PDLIM5: variants seen among roughly 807,000 people sequenced by gnomAD.
PDLIM5 encodes the protein PDZ and LIM domain 5, also known as PDZ and LIM domain protein 5.
In PDLIM5, 34 loss-of-function variants were observed where a neutral mutation model predicts 64.2. That is an observed-to-expected ratio of 0.53 (90% CI 0.40 to 0.71). The LOEUF is 0.71. PDLIM5 is among the 30% of genes least tolerant of loss of function. PDLIM5 has a pLI of 0.00. For synonymous variants in PDLIM5, 253 were observed against 269.1 expected (o/e 0.94, Z 0.59); for missense variants, 683 against 733.6 (o/e 0.93, Z 0.80).
chr4:94,579,367 G>C, intron 5 of PDLIM5: 1 of 406,864 alleles, frequency 2.5e-6, no homozygotes. Context: ...CTGCTTTCAA[G>C]AGGTAAGTCT....
At chr4:94,610,948 TCCTCTCTCTCCCCAC>T (rs1738313737) in intron 7 of PDLIM5, 2 of 666,996 alleles carry the variant, frequency 3.0e-6, no homozygotes, top group South Asian at 1.9e-5. Context: ...CCCTCCTTCT[TCCTCTCTCTCCCCAC>T]CCTCTCTCTC....
chr4:94,507,501 G>C (rs1728490364), intron 2 of PDLIM5, among the ~76,000 whole-genome samples: 1 of 152,102 alleles, frequency 6.6e-6, no homozygotes, highest in Non-Finnish European at 1.5e-5. Context: ...AGATCAAACA[G>C]GTTATGTGCT....
rs569884415 is a variant in PDLIM5, at chr4:94,486,082, C to G, written c.96+30698C>G. On this transcript the variant is annotated intron_variant, in intron 2 of 12. Coordinates refer to ENST00000317968, the MANE Select transcript of PDLIM5 (RefSeq NM_006457.5). ...AATCCTATACATCTAAGTTCTGCCACCAGGATATTAGTTAAAATTCTTATG... is the reference window on the plus strand; with the variant it reads ...AATCCTATACATCTAAGTTCTGCCAGCAGGATATTAGTTAAAATTCTTATG... 4.1e-4 allele frequency among the ~76,000 whole-genome samples: 63 copies of G among 152,162 alleles called. 2 individuals carry two copies. The South Asian group carries it at 0.013, about 31-fold the overall frequency.
At chr4:94,530,451 A>T (rs113518291) in intron 3 of PDLIM5, among the ~76,000 whole-genome samples, 1 of 150,916 alleles carries the variant, frequency 6.6e-6, no homozygotes, top group South Asian at 2.1e-4. Context: ...CAGAAAATAC[A>T]GTACTATATA....
intron 3 of PDLIM5, among the ~76,000 whole-genome samples, chr4:94,560,364 A>G (rs1733727325): frequency 6.6e-6 from 1 of 152,114 alleles, no homozygotes; most frequent in Non-Finnish European, 1.5e-5. Flanking sequence ...GTGATTTTAT[A>G]TATTATGGAT....
chr4:94,638,604 A>G (rs1043965096), intron 8 of PDLIM5, among the ~76,000 whole-genome samples: 1 of 152,236 alleles, frequency 6.6e-6, no homozygotes, highest in Non-Finnish European at 1.5e-5. Flanking sequence ...ATGTGTTTTT[A>G]CATATATATG....
chr4:94,540,996 A>G (rs1731757750), intron 3 of PDLIM5, among the ~76,000 whole-genome samples: 1 of 152,180 alleles, frequency 6.6e-6, no homozygotes, highest in African/African-American at 2.4e-5. Context: ...GAACGATACA[A>G]ACTTCTGGGA....
intron 9 of PDLIM5, among the ~76,000 whole-genome samples, 159 bp downstream of exon 9, chr4:94,640,609 A>G (rs940593962): frequency 6.6e-6 from 1 of 151,346 alleles, no homozygotes; most frequent in Admixed American, 6.6e-5. Flanking sequence ...ATATCTATCT[A>G]TGAGAATCTA....
rs373033275 is a variant in PDLIM5, at chr4:94,650,031, G to C, written c.1284-4429G>C. Reference sequence around the variant, plus strand: ...AAGTTAAAGTTGACATTCAGCGAAAGAATTACTTTTTAATGTTCCAAATTG... The same window carrying C: ...AAGTTAAAGTTGACATTCAGCGAAACAATTACTTTTTAATGTTCCAAATTG... On this transcript the variant is annotated intron_variant, in intron 9 of 12. Coordinates refer to ENST00000317968, the MANE Select transcript of PDLIM5 (RefSeq NM_006457.5). Among the ~76,000 whole-genome samples, 7 of 152,332 alleles carry C rather than the reference G, an allele frequency of 4.6e-5. 1 individual carries two copies. The highest frequency in any genetic ancestry group is 1.7e-4 in the African/African-American group (7 of 41,572).
intron 12 of PDLIM5, 33 bp downstream of exon 12, chr4:94,662,570 T>TG (rs1742820916): frequency 2.0e-6 from 2 of 984,766 alleles, no homozygotes; most frequent in Non-Finnish European, 3.3e-6. Flanking sequence ...ATTAAAGGGG[T>TG]ATAGTATGGC....
At chr4:94,625,742 T>A (rs373652328) in intron 8 of PDLIM5, among the ~76,000 whole-genome samples, 1 of 152,158 alleles carries the variant, frequency 6.6e-6, no homozygotes, top group Admixed American at 6.5e-5. Context: ...CGTGAGCCAC[T>A]GCGCCCGGCC....
chr4:94,540,365 G>T (rs2452583), intron 3 of PDLIM5, among the ~76,000 whole-genome samples: 1 of 152,004 alleles, frequency 6.6e-6, no homozygotes, highest in East Asian at 1.9e-4. Flanking sequence ...TGATCCGCCC[G>T]CCTCGGCCTC....
At chr4:94,478,610 A>G (rs1197047535) in intron 2 of PDLIM5, among the ~76,000 whole-genome samples, 1 of 152,132 alleles carries the variant, frequency 6.6e-6, no homozygotes, top group African/African-American at 2.4e-5. Context: ...TGTGACTGCT[A>G]ATTTTTATGT....
chr4:94,550,118 A>T (rs1234940537), intron 3 of PDLIM5: 1 of 152,086 alleles, frequency 6.6e-6, no homozygotes, highest in East Asian at 1.9e-4. Context: ...ATATATAGTT[A>T]TATAATGATT....
intron 2 of PDLIM5, among the ~76,000 whole-genome samples, chr4:94,506,741 T>A (rs1461473118): frequency 6.6e-6 from 1 of 152,160 alleles, no homozygotes; most frequent in African/African-American, 2.4e-5. Context: ...GATGCTTAGA[T>A]AGCAGGTAAA....
chr4:94,463,998 TG>T (rs1724125183), intron 2 of PDLIM5, among the ~76,000 whole-genome samples: 1 of 152,208 alleles, frequency 6.6e-6, no homozygotes, highest in Admixed American at 6.5e-5. Context: ...TAGCCTAGTG[TG>T]AGCAGCAGAG....
intron 2 of PDLIM5, among the ~76,000 whole-genome samples, chr4:94,489,818 G>T (rs899685605): frequency 6.6e-6 from 1 of 152,108 alleles, no homozygotes; most frequent in South Asian, 2.1e-4. Flanking sequence ...CAGCCTTCCT[G>T]CTTCCCATAT....
intron 3 of PDLIM5, among the ~76,000 whole-genome samples, chr4:94,564,656 CT>C (rs768721210): frequency 0.026 from 2,710 of 104,458 alleles, 100 homozygotes; most frequent in African/African-American, 0.1. Context: ...AATTTTGTCT[CT>C]TTTTTTTTTT....
Position 94,575,882 on chromosome 4 carries a change from T to G in PDLIM5, c.558T>G (p.Ser186Arg), listed in dbSNP as rs749270610. 9 of 1,614,054 alleles carry G rather than the reference T, an allele frequency of 5.6e-6. No homozygotes were observed. In the Admixed American group the frequency reaches 1.5e-4, roughly 27 times the overall value. Residue 186 changes from serine (S) to arginine (R), a missense_variant, in exon 5 of 13, where the codon AGT (serine) becomes AGG (arginine). By Grantham distance (110) the Ser-to-Arg change is moderately radical (BLOSUM62 -1). Coordinates refer to ENST00000317968, the MANE Select transcript of PDLIM5 (RefSeq NM_006457.5). ...ASGLHANANL[S>R]ADQSPSALSA... Reference sequence around the variant, plus strand: ...GACTGCATGCTAATGCCAATCTTAGTGCTGACCAGTCTCCATCTGCACTGA... The same window carrying G: ...GACTGCATGCTAATGCCAATCTTAGGGCTGACCAGTCTCCATCTGCACTGA...
Sources: allele counts gnomAD v4.1 joint callset (sites outside exome capture counted in the v4.1 genomes callset), GRCh38; gene constraint gnomAD v4.1.1; transcripts MANE v1.5; gene names NCBI Gene and HGNC (gene_info 2026-07-23, HGNC 2026-07-21).